The following PLXDC2 variants were observed in gnomAD, a reference collection of about 807,000 sequenced individuals.
PLXDC2 encodes plexin domain containing 2, also known as plexin domain-containing protein 2.
Under a neutral mutation model 68.9 loss-of-function variants are expected in PLXDC2, and 40 were observed. The observed-to-expected ratio is 0.58, with a 90% CI of 0.45 to 0.76. PLXDC2 has a LOEUF of 0.76. Ranked by LOEUF, PLXDC2 falls within the 30% of genes least tolerant of loss-of-function variation. PLXDC2 has a pLI of 0.00. For synonymous variants in PLXDC2, 243 were observed against 234.2 expected (o/e 1.04, Z -0.34); for missense variants, 644 against 661.9 (o/e 0.97, Z 0.30).
At chr10:20,049,887 G>A (rs1460023349) in intron 3 of PLXDC2, among the ~76,000 whole-genome samples, 1 of 151,978 alleles carries the variant, frequency 6.6e-6, no homozygotes, top group Non-Finnish European at 1.5e-5. Flanking sequence ...AACCAAAAAA[G>A]AGCCCAAATA....
rs551142693 is a variant in PLXDC2 at position 19,869,125 on chromosome 10, G to A, written c.112+51934G>A. ...ATAACTGTGAAAAGGGGCTTTGTGC[G>A]GTGGCTCATGACTGTAATCCCAGCA... On this transcript the variant is annotated intron_variant, in intron 1 of 13. Coordinates refer to ENST00000377252, the MANE Select transcript of PLXDC2 (RefSeq NM_032812.9). Among the ~76,000 whole-genome samples, 214 of 152,134 alleles carry A rather than the reference G, an allele frequency of 1.4e-3. 1 individual carries two copies. Among genetic ancestry groups the A allele is most frequent in the African/African-American group, 4.9e-3 (202 of 41,490 alleles).
At chr10:19,909,984 G>A (rs1374894033) in intron 1 of PLXDC2, among the ~76,000 whole-genome samples, 1 of 152,026 alleles carries the variant, frequency 6.6e-6, no homozygotes, top group Admixed American at 6.6e-5. Flanking sequence ...GAAATATTTA[G>A]TTCAGAACAT....
chr10:19,912,561 A>G (rs927628038), intron 1 of PLXDC2, among the ~76,000 whole-genome samples: 1 of 152,164 alleles, frequency 6.6e-6, no homozygotes, highest in African/African-American at 2.4e-5. Flanking sequence ...CCTGGACAAC[A>G]GGAGTAATGA....
chr10:20,163,790 A>T (rs775515570), intron 6 of PLXDC2, among the ~76,000 whole-genome samples: 6 of 152,080 alleles, frequency 3.9e-5, no homozygotes, highest in Admixed American at 3.9e-4. Flanking sequence ...ATGTATCATA[A>T]TTTTTTAACT....
intron 2 of PLXDC2, among the ~76,000 whole-genome samples, chr10:20,016,423 C>T (rs1482878678): frequency 2.0e-5 from 3 of 152,172 alleles, no homozygotes; most frequent in African/African-American, 7.2e-5. Context: ...TTTACTTGAC[C>T]ATTTCCACAC....
intron 7 of PLXDC2, among the ~76,000 whole-genome samples, chr10:20,171,634 G>A (rs1834447313): frequency 6.6e-6 from 1 of 152,008 alleles, no homozygotes; most frequent in Non-Finnish European, 1.5e-5. Flanking sequence ...AAAATTTTCT[G>A]GGCATAGAAA....
intron 1 of PLXDC2, among the ~76,000 whole-genome samples, chr10:19,852,780 A>G (rs10508593): frequency 0.067 from 10,180 of 152,276 alleles, 643 homozygotes; most frequent in African/African-American, 0.17. Context: ...AGTCTACAGA[A>G]TAGTGCCCAT....
chr10:19,910,035 A>G (rs998351379), intron 1 of PLXDC2, among the ~76,000 whole-genome samples: 1 of 152,154 alleles, frequency 6.6e-6, no homozygotes, highest in Admixed American at 6.6e-5. Flanking sequence ...AATCTTTCAC[A>G]TACATTTTAC....
chr10:20,158,757 G>C (rs1364486857), intron 6 of PLXDC2, among the ~76,000 whole-genome samples: 1 of 152,018 alleles, frequency 6.6e-6, no homozygotes, highest in Non-Finnish European at 1.5e-5. Flanking sequence ...CTAATTTTAT[G>C]CTGACAGAGG....
intron 7 of PLXDC2, among the ~76,000 whole-genome samples, chr10:20,165,274 T>C (rs1021026788): frequency 4.6e-5 from 7 of 152,182 alleles, no homozygotes; most frequent in Admixed American, 2.6e-4. Flanking sequence ...TATCTTTTTT[T>C]TTTCTTTCTT....
intron 13 of PLXDC2, among the ~76,000 whole-genome samples, chr10:20,272,516 A>G (rs1294190964): frequency 2.0e-5 from 3 of 152,188 alleles, no homozygotes; most frequent in South Asian, 2.1e-4. Flanking sequence ...TCATGGCAGC[A>G]TAAACTATAA....
At chr10:19,883,254 G>A (rs1285280962) in intron 1 of PLXDC2, among the ~76,000 whole-genome samples, 1 of 151,488 alleles carries the variant, frequency 6.6e-6, no homozygotes. Context: ...GAGCCACCCC[G>A]CCTGGCCACT....
intron 9 of PLXDC2, among the ~76,000 whole-genome samples, chr10:20,210,822 A>G (rs960877849): frequency 2.0e-5 from 3 of 152,136 alleles, no homozygotes; most frequent in Non-Finnish European, 2.9e-5. Flanking sequence ...CCCAATAACA[A>G]TGTGCAATAA....
At chr10:19,962,335 CTTT>C (rs33953842) in intron 1 of PLXDC2, among the ~76,000 whole-genome samples, 15 of 58,458 alleles carry the variant, frequency 2.6e-4, no homozygotes, top group East Asian at 6.3e-4. Flanking sequence ...AAAGGAGGTT[CTTT>C]TTTTTTTTTT....
chr10:19,966,808 ATT>A (rs142987623), intron 1 of PLXDC2, among the ~76,000 whole-genome samples: 91 of 151,110 alleles, frequency 6.0e-4, no homozygotes, highest in Non-Finnish European at 9.9e-4. Flanking sequence ...TCGCGTTACC[ATT>A]TTTTTTTTCC....
At chr10:19,862,367 T>C (rs1837334423) in intron 1 of PLXDC2, among the ~76,000 whole-genome samples, 1 of 152,234 alleles carries the variant, frequency 6.6e-6, no homozygotes, top group Non-Finnish European at 1.5e-5. Flanking sequence ...AACAATTTTA[T>C]GTAGCCAATA....
At chr10:19,895,027 C>A (rs533993722) in intron 1 of PLXDC2, among the ~76,000 whole-genome samples, 1 of 152,130 alleles carries the variant, frequency 6.6e-6, no homozygotes, top group Non-Finnish European at 1.5e-5. Flanking sequence ...GGAACCAACC[C>A]AAATGCCCAT....
At chr10:20,051,495 G>T (rs1835900659) in intron 3 of PLXDC2, among the ~76,000 whole-genome samples, 1 of 146,624 alleles carries the variant, frequency 6.8e-6, no homozygotes, top group Non-Finnish European at 1.5e-5. Context: ...CTTAGGGTTG[G>T]ATTCATTGTT....
chr10:20,016,408 A>T (rs937315992), intron 2 of PLXDC2, among the ~76,000 whole-genome samples: 18 of 152,242 alleles, frequency 1.2e-4, no homozygotes, highest in African/African-American at 4.3e-4. Context: ...CAAAAGTCTG[A>T]CATTTTTACT....
Sources: gnomAD v4.1 joint callset for allele counts (sites outside exome capture counted in the v4.1 genomes callset) on GRCh38, gnomAD v4.1.1 for gene constraint, MANE v1.5 for transcripts, NCBI Gene and HGNC (gene_info 2026-07-23, HGNC 2026-07-21) for gene names.